FGF9: variants seen among roughly 807,000 people sequenced by gnomAD.
FGF9 encodes the protein fibroblast growth factor 9 (glia-activating factor).
Under a neutral mutation model 19.9 loss-of-function variants are expected in FGF9, and 3 were observed. That is an observed-to-expected ratio of 0.15 (90% confidence interval 0.07 to 0.39). The LOEUF (loss-of-function observed/expected upper bound fraction) is 0.39. Ranked by LOEUF, FGF9 falls within the 10% of genes least tolerant of loss-of-function variation. FGF9 has a pLI of 1.00. For missense variants in FGF9, 175 were observed against 256.8 expected, an observed-to-expected ratio of 0.68 and a Z score of 2.18; for synonymous variants, 107 against 106.9, an observed-to-expected ratio of 1.00 and a Z score of -0.01.
chr13:21,680,616 T>C (rs1052775075), intron 1 of FGF9, among the ~76,000 whole-genome samples: 7 of 152,226 alleles, frequency 4.6e-5, no homozygotes, highest in Non-Finnish European at 1.0e-4. Context: ...AATGGTCTTA[T>C]GTCTCTCAAA....
Position 21,702,118 on chromosome 13 carries a change from C to A in FGF9, c.*683C>A, listed in dbSNP as rs1872564961. Reference sequence around the variant, plus strand: ...TTATTTTTAATGAAACATGTACAGGCCAGATAGGCATTTTGGAAGCTTTAG... The same window carrying A: ...TTATTTTTAATGAAACATGTACAGGACAGATAGGCATTTTGGAAGCTTTAG... On this transcript the variant is annotated 3_prime_UTR_variant, in exon 3 of 3. Coordinates refer to ENST00000382353, the MANE Select transcript of FGF9 (RefSeq NM_002010.3). 6.6e-6 allele frequency: 1 copy of A among 151,598 alleles called. No homozygotes were observed. The highest frequency in any genetic ancestry group is 1.5e-5 in the Non-Finnish European group (1 of 67,964). 9.4% of individuals were successfully genotyped at this position (151,598 alleles called of 1,614,324 possible).
At position 21,672,432 on chromosome 13, in the gene FGF9, A is replaced by G. The variant is rs575358832; in HGVS notation, c.277+243A>G. 4.8e-4 allele frequency among the ~76,000 whole-genome samples: 73 copies of G among 152,338 alleles called. No homozygotes were observed. The highest frequency in any genetic ancestry group is 8.3e-4 in the South Asian group (4 of 4,828). On this transcript the variant is annotated intron_variant, in intron 1 of 2. Coordinates refer to ENST00000382353, the MANE Select transcript of FGF9 (RefSeq NM_002010.3). The surrounding 1 kb of genome is among the most constrained non-coding windows in gnomAD (Gnocchi z 4.2). ...GAAAGGCCCCCTACTTTTAATTTAA[A>G]GGGGGGCATAATTTATAAATATAAT...
At position 21,672,373 on chromosome 13, in the gene FGF9, A is replaced by C. The variant is rs1871789923; in HGVS notation, c.277+184A>C. On this transcript the variant is annotated intron_variant, in intron 1 of 2. Transcript: ENST00000382353. This position sits in a 1 kb window ranked among gnomAD's most constrained non-coding sequence, Gnocchi z 4.2. ...GAAAAAAAAATGCCTCCGGAATTGC[A>C]GATCTGCTGCTGGCACTGATGCAAG... Among the ~76,000 whole-genome samples the C allele has an allele frequency of 6.6e-6, 1 of 152,074 alleles. No individual in the cohort carries two copies. The highest frequency in any genetic ancestry group is 1.5e-5 in the Non-Finnish European group (1 of 68,010).
intron 2 of FGF9, among the ~76,000 whole-genome samples, chr13:21,695,582 G>A (rs1383528405): frequency 1.3e-5 from 2 of 152,172 alleles, no homozygotes; most frequent in East Asian, 3.9e-4. Flanking sequence ...AGAGGAGAGT[G>A]AAAAGACCTG....
chr13:21,695,083 C>CGTGTGTGTGT (rs59076902), intron 2 of FGF9, among the ~76,000 whole-genome samples: 3 of 137,144 alleles, frequency 2.2e-5, no homozygotes, highest in African/African-American at 8.3e-5. Context: ...TGTGTGTGTG[C>CGTGTGTGTGT]GTGTGTGTGT....
chr13:21,675,523 C>G (rs936619247), intron 1 of FGF9, among the ~76,000 whole-genome samples: 4 of 151,906 alleles, frequency 2.6e-5, no homozygotes, highest in Non-Finnish European at 5.9e-5. Context: ...GCTGCGGTGC[C>G]CCGGCTCTGG....
chr13:21,695,083 C>T (rs78754654), intron 2 of FGF9, among the ~76,000 whole-genome samples: 7,673 of 137,038 alleles, frequency 0.056, 597 homozygotes, highest in African/African-American at 0.19. Context: ...TGTGTGTGTG[C>T]GTGTGTGTGT....
Position 21,671,710 on chromosome 13 carries a change from G to C in FGF9, c.-203G>C. The stretch of plus-strand genomic sequence containing the variant: ...AAAGTGGTGGTTTCTTAGACTATCA[G>C]TGGTTTGACCTTGAACCTGTGCCAG... On this transcript the variant is annotated 5_prime_UTR_variant, in exon 1 of 3. Transcript: ENST00000382353. The C allele has an allele frequency of 1.6e-6, 1 of 628,610 alleles. No individual in the cohort carries two copies. Among genetic ancestry groups the C allele is most frequent in the Non-Finnish European group, 2.8e-6 (1 of 357,376 alleles). The allele number at this position is 628,610 out of a possible 1,614,324, so 38.9% of individuals were successfully genotyped here.
chr13:21,684,462 C>G (rs531648565), intron 2 of FGF9, among the ~76,000 whole-genome samples: 1 of 152,230 alleles, frequency 6.6e-6, no homozygotes, highest in African/African-American at 2.4e-5. Flanking sequence ...ATAGATGTGG[C>G]CTCACAGTAT....
chr13:21,679,250 T>C (rs1280427585), intron 1 of FGF9, among the ~76,000 whole-genome samples: 1 of 152,258 alleles, frequency 6.6e-6, no homozygotes, highest in Admixed American at 6.5e-5. Context: ...TGTTACATTT[T>C]GTCCTTATAA....
intron 2 of FGF9, among the ~76,000 whole-genome samples, chr13:21,697,912 A>G (rs753437931): frequency 4.0e-5 from 6 of 149,324 alleles, no homozygotes; most frequent in Admixed American, 1.4e-4. Context: ...GGTTCACGCC[A>G]TTCTCCTGCC....
At chr13:21,676,337 A>T (rs1320997967) in intron 1 of FGF9, among the ~76,000 whole-genome samples, 1 of 152,140 alleles carries the variant, frequency 6.6e-6, no homozygotes, top group Non-Finnish European at 1.5e-5. Flanking sequence ...GAGGGGAGAA[A>T]TATGATAGTA....
chr13:21,692,835 T>C (rs1325294383), intron 2 of FGF9, among the ~76,000 whole-genome samples: 3 of 152,210 alleles, frequency 2.0e-5, no homozygotes, highest in Non-Finnish European at 4.4e-5. Flanking sequence ...ATGACATTCC[T>C]CAAATTATAT....
At chr13:21,673,336 C>G (rs1871815913) in intron 1 of FGF9, among the ~76,000 whole-genome samples, 1 of 152,054 alleles carries the variant, frequency 6.6e-6, no homozygotes, top group African/African-American at 2.4e-5. Flanking sequence ...TAGCTTCGTG[C>G]GGCTGCGGAT....
At position 21,701,692 on chromosome 13, in the gene FGF9, G is replaced by A; in HGVS notation, c.*257G>A. 2.0e-6 allele frequency: 1 copy of A among 495,658 alleles called. No homozygotes were observed. Among genetic ancestry groups the A allele is most frequent in the Non-Finnish European group, 3.7e-6 (1 of 273,608 alleles). The allele number at this position is 495,658 out of a possible 1,614,324, so 30.7% of individuals were successfully genotyped here. A position where few individuals can be genotyped will look rare whatever the true frequency, so the allele number is the denominator to read the frequency against. ...AGAAGAGGAGAGAGAGAGAGACTGA[G>A]CGCTAGGAGTGTGTGTATGTGTGTG... On this transcript the variant is annotated 3_prime_UTR_variant, in exon 3 of 3. Transcript: ENST00000382353.
intron 2 of FGF9, among the ~76,000 whole-genome samples, chr13:21,684,166 C>T (rs574297815): frequency 5.2e-4 from 79 of 152,362 alleles, no homozygotes; most frequent in East Asian, 2.5e-3. Context: ...ACCTTCATTA[C>T]ACCCCCAGTT....
chr13:21,696,607 C>T (rs974159967), intron 2 of FGF9, among the ~76,000 whole-genome samples: 1 of 152,170 alleles, frequency 6.6e-6, no homozygotes, highest in African/African-American at 2.4e-5. Flanking sequence ...TATTTGAAGG[C>T]AGACACTCCT....
chr13:21,672,232 T>A lies in FGF9; in HGVS notation c.277+43T>A, dbSNP rs774092001. 26 of 1,611,168 alleles carry A rather than the reference T, an allele frequency of 1.6e-5. No individual in the cohort carries two copies. Among genetic ancestry groups the A allele is most frequent in the Middle Eastern group, 1.6e-4 (1 of 6,068 alleles). On this transcript the variant is annotated intron_variant, in intron 1 of 2. Transcript: ENST00000382353. The surrounding 1 kb of genome is among the most constrained non-coding windows in gnomAD (Gnocchi z 4.2). Reference sequence around the variant, plus strand: ...CCTTTAGTGTCCATGAGATGACATGTTGAAATTATAACTACCAAGAAGGTG... The same window carrying A: ...CCTTTAGTGTCCATGAGATGACATGATGAAATTATAACTACCAAGAAGGTG...
rs1391800454 is a variant in FGF9, at chr13:21,702,952, C to G, written c.*1517C>G. ...ATATTACTATATAGAATATCTTTTA[C>G]AAGGCTTTTATAACATTTTATGCTG... On this transcript the variant is annotated 3_prime_UTR_variant, in exon 3 of 3. Transcript: ENST00000382353. 6.6e-6 allele frequency: 1 copy of G among 152,172 alleles called. No individual in the cohort carries two copies. Among genetic ancestry groups the G allele is most frequent in the Non-Finnish European group, 1.5e-5 (1 of 68,024 alleles). The allele number at this position is 152,172 out of a possible 1,614,324, so 9.4% of individuals were successfully genotyped here. A position where few individuals can be genotyped will look rare whatever the true frequency, so the allele number is the denominator to read the frequency against.
Sources: gnomAD v4.1 joint callset for allele counts (sites outside exome capture counted in the v4.1 genomes callset) on GRCh38, gnomAD v4.1.1 for gene constraint, Gnocchi (gnomAD v3.1) non-coding constraint, MANE v1.5 for transcripts, NCBI Gene and HGNC (gene_info 2026-07-23, HGNC 2026-07-21) for gene names.